The following CPED1 variants were observed in gnomAD, a reference collection of about 807,000 sequenced individuals.
CPED1 encodes the protein cadherin like and PC-esterase domain containing 1.
CPED1 carries 114 observed loss-of-function variants against 128.2 expected under a neutral mutation model. That is an observed-to-expected ratio of 0.89 (90% CI 0.76 to 1.04). The LOEUF is 1.04. CPED1 is among the 50% of genes least tolerant of loss of function. CPED1 has a pLI of 0.00. For missense variants in CPED1, 1,211 were observed against 1,207.1 expected, an observed-to-expected ratio of 1.00 and a Z score of -0.05; for synonymous variants, 462 against 426.7, an observed-to-expected ratio of 1.08 and a Z score of -1.02.
chr7:121,124,236 A>C (rs1795449350), intron 7 of CPED1, 95 bp from the exon 8 acceptor site: 1 of 1,154,452 alleles, frequency 8.7e-7, no homozygotes, highest in East Asian at 2.7e-5. Flanking sequence ...ACAAGTAGAG[A>C]TAACCTAGAA....
At chr7:121,031,391 G>A (rs952060933) in intron 3 of CPED1, among the ~76,000 whole-genome samples, 3 of 152,014 alleles carry the variant, frequency 2.0e-5, no homozygotes, top group Non-Finnish European at 4.4e-5. Context: ...AGGTTCAAGC[G>A]ATTCTCCTGC....
chr7:121,065,219 TTAAAA>T (rs1281424462), intron 5 of CPED1, among the ~76,000 whole-genome samples: 2 of 152,136 alleles, frequency 1.3e-5, no homozygotes, highest in East Asian at 1.9e-4. Flanking sequence ...TTACTGAGAA[TTAAAA>T]TAAAATAATC....
At chr7:121,294,599 A>G (rs914800341) in intron 22 of CPED1, among the ~76,000 whole-genome samples, 3 of 152,150 alleles carry the variant, frequency 2.0e-5, no homozygotes, top group African/African-American at 7.2e-5. Flanking sequence ...CCATTGGAAA[A>G]GGGTGATTCA....
At chr7:121,044,749 ATG>A (rs1265383854) in intron 3 of CPED1, among the ~76,000 whole-genome samples, 1 of 149,618 alleles carries the variant, frequency 6.7e-6, no homozygotes, top group African/African-American at 2.5e-5. Context: ...AATTATTTAA[ATG>A]TGTCTTCCCA....
At chr7:121,031,414 A>G (rs181547376) in intron 3 of CPED1, among the ~76,000 whole-genome samples, 1 of 152,196 alleles carries the variant, frequency 6.6e-6, no homozygotes, top group African/African-American at 2.4e-5. Flanking sequence ...CAGTCTTCTG[A>G]GTAGCTGGGA....
intron 16 of CPED1, among the ~76,000 whole-genome samples, chr7:121,166,876 A>G (rs913307711): frequency 6.6e-6 from 1 of 152,146 alleles, no homozygotes; most frequent in Non-Finnish European, 1.5e-5. Context: ...TGTGCTGAGG[A>G]TCATGATCTA....
intron 16 of CPED1, among the ~76,000 whole-genome samples, chr7:121,201,728 C>T (rs1475339975): frequency 6.6e-6 from 1 of 152,104 alleles, no homozygotes; most frequent in Non-Finnish European, 1.5e-5. Context: ...AGACAGAAAG[C>T]AGAAGGTAAA....
chr7:121,071,263 T>C (rs754726851), intron 5 of CPED1, among the ~76,000 whole-genome samples: 87 of 152,148 alleles, frequency 5.7e-4, no homozygotes, highest in Non-Finnish European at 4.6e-4. Context: ...TACAATTCAG[T>C]AACCATTAGG....
intron 22 of CPED1, among the ~76,000 whole-genome samples, chr7:121,295,140 A>AACACACACACACAC (rs35927183): frequency 0.02 from 2,922 of 145,796 alleles, 51 homozygotes; most frequent in African/African-American, 0.041. Context: ...CTGGCCTGAA[A>AACACACACACACAC]ACACACACAC....
intron 7 of CPED1, among the ~76,000 whole-genome samples, chr7:121,104,209 T>C (rs938992323): frequency 3.9e-5 from 6 of 152,110 alleles, no homozygotes; most frequent in Non-Finnish European, 7.4e-5. Context: ...TTTTAAGAAA[T>C]ATTTTATTTT....
chr7:121,156,146 A>G (rs1246105808), intron 16 of CPED1, among the ~76,000 whole-genome samples: 1 of 152,236 alleles, frequency 6.6e-6, no homozygotes, highest in Non-Finnish European at 1.5e-5. Flanking sequence ...ATGGCATATT[A>G]TCTTACTCCA....
At chr7:121,264,375 G>T (rs1243041427) in intron 18 of CPED1, among the ~76,000 whole-genome samples, 1 of 152,004 alleles carries the variant, frequency 6.6e-6, no homozygotes, top group Non-Finnish European at 1.5e-5. Context: ...AACATAAATA[G>T]TGAAAGGTTG....
At chr7:121,283,422 A>C (rs1412368655) in intron 22 of CPED1, among the ~76,000 whole-genome samples, 2 of 152,230 alleles carry the variant, frequency 1.3e-5, no homozygotes, top group East Asian at 3.8e-4. Flanking sequence ...ACAAGAACAC[A>C]ATAATGTAAG....
intron 7 of CPED1, among the ~76,000 whole-genome samples, chr7:121,105,788 T>C (rs1238291818): frequency 6.6e-6 from 1 of 152,154 alleles, no homozygotes; most frequent in African/African-American, 2.4e-5. Context: ...ACTTTGTGTC[T>C]TTTTAAAAAG....
intron 3 of CPED1, among the ~76,000 whole-genome samples, chr7:121,031,024 G>T (rs1178817639): frequency 6.6e-6 from 1 of 152,156 alleles, no homozygotes; most frequent in East Asian, 1.9e-4. Flanking sequence ...CTTGACCCAA[G>T]GGTCAGTTTA....
chr7:121,278,429 A>G (rs1792371595), intron 22 of CPED1, among the ~76,000 whole-genome samples: 1 of 152,144 alleles, frequency 6.6e-6, no homozygotes, highest in African/African-American at 2.4e-5. Flanking sequence ...AGTGTCAACT[A>G]CTTGAATCCG....
intron 1 of CPED1, 38 bp downstream of exon 1, chr7:120,988,950 AC>A (rs1796265373): frequency 6.6e-6 from 1 of 152,260 alleles, no homozygotes; most frequent in South Asian, 2.1e-4. Flanking sequence ...ACGGAATGAA[AC>A]AAATTCAAGC....
chr7:121,155,205 A>G (rs900839267), intron 16 of CPED1, among the ~76,000 whole-genome samples: 3 of 152,222 alleles, frequency 2.0e-5, no homozygotes, highest in African/African-American at 7.2e-5. Flanking sequence ...AACTCTGATA[A>G]AAGAGGTCAC....
chr7:121,012,540 T>A (rs1468668149), intron 2 of CPED1, among the ~76,000 whole-genome samples: 1 of 152,272 alleles, frequency 6.6e-6, no homozygotes, highest in Non-Finnish European at 1.5e-5. Context: ...GCTATTAGCA[T>A]TTGATGATCT....
Sources: gnomAD v4.1 joint callset for allele counts (sites outside exome capture counted in the v4.1 genomes callset) on GRCh38, gnomAD v4.1.1 for gene constraint, MANE v1.5 for transcripts, NCBI Gene and HGNC (gene_info 2026-07-23, HGNC 2026-07-21) for gene names.